TIMM23: variants seen among roughly 807,000 people sequenced by gnomAD.
TIMM23 encodes the protein mitochondrial import inner membrane translocase subunit Tim23.
TIMM23 carries 19 observed loss-of-function variants against 30.7 expected under a neutral mutation model. The ratio of observed to expected loss-of-function variants is 0.62; its 90% CI spans 0.43 to 0.91. The LOEUF (loss-of-function observed/expected upper bound fraction) is 0.91. Among genes scored for constraint, TIMM23 ranks in the 40% least tolerant of loss-of-function variants. The probability of loss-of-function intolerance (pLI) is 0.00; values close to 1 mark genes in which losing one functional copy is unlikely to be tolerated. For missense variants in TIMM23, 202 were observed against 269.2 expected (o/e 0.75, Z 1.75); for synonymous variants, 78 against 98.5 (o/e 0.79, Z 1.23).
At chr10:45,978,232 A>C (rs1282702755) in intron 2 of TIMM23, among the ~76,000 whole-genome samples, 1 of 152,150 alleles carries the variant, frequency 6.6e-6, no homozygotes, top group African/African-American at 2.4e-5. Flanking sequence ...GTGCACCTGT[A>C]GTCCCAGCTA....
At chr10:45,994,999 T>C (rs1299362135) in intron 6 of TIMM23, among the ~76,000 whole-genome samples, 1 of 151,952 alleles carries the variant, frequency 6.6e-6, no homozygotes, top group East Asian at 1.9e-4. Flanking sequence ...TTGCCTTTGT[T>C]AGAGTGATTT....
intron 6 of TIMM23, among the ~76,000 whole-genome samples, chr10:45,989,495 G>A (rs1838094101): frequency 6.6e-6 from 1 of 152,188 alleles, no homozygotes; most frequent in African/African-American, 2.4e-5. Context: ...TATATGTGCA[G>A]AAGTGGAATT....
intron 6 of TIMM23, among the ~76,000 whole-genome samples, chr10:45,991,316 A>G (rs1234506819): frequency 1.3e-5 from 2 of 152,240 alleles, no homozygotes; most frequent in African/African-American, 4.8e-5. Context: ...GGTTTTTTGG[A>G]CAGAGGATTA....
At chr10:45,980,606 A>G (rs1837812415) in intron 2 of TIMM23, among the ~76,000 whole-genome samples, 2 of 151,328 alleles carry the variant, frequency 1.3e-5, no homozygotes, top group Non-Finnish European at 2.9e-5. Flanking sequence ...AAATTAAAAA[A>G]GTTTTTTCTT....
intron 6 of TIMM23, among the ~76,000 whole-genome samples, chr10:46,002,652 C>T (rs1246539286): frequency 6.6e-6 from 1 of 151,930 alleles, no homozygotes; most frequent in Non-Finnish European, 1.5e-5. Flanking sequence ...CCGTAATAAA[C>T]TGCCATAGGA....
At position 45,987,773 on chromosome 10, in the gene TIMM23, A is replaced by G. The variant is rs75131468; in HGVS notation, c.404-964A>G. ...GACTACAGGCAACATGCACCACCAT[A>G]CCAACTAATTTTTTTTTAAATTTTT... On this transcript the variant is annotated intron_variant, in intron 5 of 6. Transcript: ENST00000580018. Among the ~76,000 whole-genome samples the G allele has an allele frequency of 4.7e-3, 712 of 150,712 alleles. 4 individuals are homozygous for G. The highest frequency in any genetic ancestry group is 0.019 in the East Asian group (96 of 5,152).
chr10:45,992,242 C>T (rs1235194753), intron 6 of TIMM23: 11 of 402,714 alleles, frequency 2.7e-5, no homozygotes, highest in African/African-American at 1.0e-4. Flanking sequence ...GGATTACAGG[C>T]GTGAGCCACT....
chr10:45,973,142 C>T (rs5000942), intron 1 of TIMM23, among the ~76,000 whole-genome samples: 5 of 149,478 alleles, frequency 3.3e-5, no homozygotes, highest in African/African-American at 1.2e-4. Context: ...AAGTAGCCGT[C>T]AGGGCAGAAT....
chr10:45,977,963 A>G (rs1837724265), intron 2 of TIMM23, among the ~76,000 whole-genome samples: 1 of 151,910 alleles, frequency 6.6e-6, no homozygotes, highest in East Asian at 1.9e-4. Flanking sequence ...CCTGGGAGGC[A>G]GAGGTTGCGG....
intron 6 of TIMM23, among the ~76,000 whole-genome samples, chr10:45,997,589 ATTGT>A (rs1353196228): frequency 3.3e-5 from 5 of 152,274 alleles, no homozygotes; most frequent in African/African-American, 1.2e-4. Flanking sequence ...AGGCAGGAGG[ATTGT>A]TTGAGCCCAG....
Position 45,982,563 on chromosome 10 carries a change from C to G in TIMM23, c.206C>G (p.Thr69Ser). The G allele has an allele frequency of 1.2e-6, 2 of 1,613,898 alleles. No individual in the cohort carries two copies. Among genetic ancestry groups the G allele is most frequent in the Non-Finnish European group, 1.7e-6 (2 of 1,179,860 alleles). Residue 69 changes from threonine to serine, a missense_variant, in exon 3 of 7, where the codon ACC becomes AGC. Coordinates refer to ENST00000580018, the MANE Select transcript of TIMM23 (RefSeq NM_006327.4). ...ATTTTACCTACCGGAGCTAATAAAA[C>G]CCGGGGCAGATTTGAGCTGGCCTTC... ...EFILPTGANKTRGRFELAFFT... is the reference protein window; with the variant it reads ...EFILPTGANKSRGRFELAFFT...
intron 6 of TIMM23, among the ~76,000 whole-genome samples, chr10:45,996,174 A>G (rs1174459768): frequency 7.1e-6 from 1 of 141,586 alleles, no homozygotes. Flanking sequence ...ATCCTGGCTA[A>G]CACAGTGAAA....
chr10:45,987,889 T>C (rs1838043466), intron 5 of TIMM23, among the ~76,000 whole-genome samples: 1 of 152,080 alleles, frequency 6.6e-6, no homozygotes, highest in African/African-American at 2.4e-5. Context: ...CCCAAAGTGC[T>C]GGGATTACAG....
At position 45,972,572 on chromosome 10, in the gene TIMM23, G is replaced by T; in HGVS notation, c.-53G>T. The T allele has an allele frequency of 2.5e-6, 4 of 1,584,656 alleles. No homozygotes were observed. Among genetic ancestry groups the T allele is most frequent in the Non-Finnish European group, 3.4e-6 (4 of 1,163,808 alleles). ...TGTTATTGAGGAGTAACGGCCCAGC[G>T]GACCACCCAGGCTTGAGGCAGCGGC... On this transcript the variant is annotated 5_prime_UTR_variant, in exon 1 of 7. Transcript: ENST00000580018.
Position 45,975,471 on chromosome 10 carries a change from C to T in TIMM23, c.124C>T (p.Leu42=), listed in dbSNP as rs1342557284. 4.3e-6 allele frequency: 7 copies of T among 1,613,844 alleles called. No homozygotes were observed. In the Admixed American group the frequency reaches 8.3e-5, roughly 19 times the overall value. The change falls in exon 2 of 7, where the codon CTG becomes TTG. Residue 42 remains leucine (L), a synonymous_variant. Transcript: ENST00000580018. Reference sequence around the variant, plus strand: ...CTCTCTAGTAACTGGTATGAACCCTCTGTCTCCTTATTTAAATGTGGATCC... The same window carrying T: ...CTCTCTAGTAACTGGTATGAACCCTTTGTCTCCTTATTTAAATGTGGATCC... ...AGVPLTGMNP[L]SPYLNVDPRY...
Position 45,975,529 on chromosome 10 carries a change from A to G in TIMM23, c.165+17A>G. 6.2e-7 allele frequency: 1 copy of G among 1,613,714 alleles called. No homozygotes were observed. Among genetic ancestry groups the G allele is most frequent in the Non-Finnish European group, 8.5e-7 (1 of 1,179,790 alleles). On this transcript the variant is annotated intron_variant, in intron 2 of 6. Transcript: ENST00000580018. The stretch of plus-strand genomic sequence containing the variant: ...CTCGTGCAGGTAAGATTAAGATTTT[A>G]CTAGTTTGGTGCATTATTTTACCAT...
At chr10:45,987,335 ATC>A (rs1838019039) in intron 5 of TIMM23, among the ~76,000 whole-genome samples, 4 of 152,050 alleles carry the variant, frequency 2.6e-5, no homozygotes, top group African/African-American at 7.2e-5. Context: ...ATACCAAGTA[ATC>A]TCTCTTGCAG....
rs1837878853 is a variant in TIMM23, at chr10:45,982,557, A to C, written c.200A>C (p.Asn67Thr). 1 of 1,613,962 alleles carries C rather than the reference A, an allele frequency of 6.2e-7. No homozygotes were observed. Among genetic ancestry groups the C allele is most frequent in the African/African-American group, 1.3e-5 (1 of 75,036 alleles). ...TDEFILPTGANKTRGRFELAF... is the reference protein window; with the variant it reads ...TDEFILPTGATKTRGRFELAF... ...GAGTTTATTTTACCTACCGGAGCTA[A>C]TAAAACCCGGGGCAGATTTGAGCTG... is the stretch of plus-strand genomic sequence containing the variant. Residue 67 changes from asparagine (N) to threonine (T), a missense_variant, in exon 3 of 7, where the codon AAT becomes ACT. Asn to Thr is a moderately conservative substitution (Grantham distance 65). Transcript: ENST00000580018.
chr10:45,974,484 G>A (rs587638045), intron 1 of TIMM23, among the ~76,000 whole-genome samples: 6 of 152,334 alleles, frequency 3.9e-5, no homozygotes, highest in African/African-American at 1.2e-4. Context: ...TCTTAGGCCA[G>A]TCTGTCTTCG....
Sources: allele counts gnomAD v4.1 joint callset (sites outside exome capture counted in the v4.1 genomes callset), GRCh38; gene constraint gnomAD v4.1.1; transcripts MANE v1.5; gene names NCBI Gene and HGNC (gene_info 2026-07-23, HGNC 2026-07-21).